Variants in MSRB3 observed in about 807,000 individuals in gnomAD.
MSRB3 encodes the protein methionine-R-sulfoxide reductase B3.
Under a neutral mutation model 21.0 loss-of-function variants are expected in MSRB3, and 13 were observed. The ratio of observed to expected loss-of-function variants is 0.62; its 90% CI spans 0.40 to 0.98. MSRB3 has a LOEUF of 0.98. Among genes scored for constraint, MSRB3 ranks in the 50% least tolerant of loss-of-function variants. The pLI is 0.00. For missense variants in MSRB3, 199 were observed against 230.3 expected (o/e 0.86, Z 0.88); for synonymous variants, 87 against 88.6 (o/e 0.98, Z 0.10).
At chr12:65,375,369 C>T (rs576152808) in intron 5 of MSRB3, among the ~76,000 whole-genome samples, 54 of 152,270 alleles carry the variant, frequency 3.5e-4, no homozygotes, top group Non-Finnish European at 6.9e-4. Flanking sequence ...TTTCTTAGAA[C>T]TGGAGCATTT....
Position 65,463,563 on chromosome 12 carries a change from C to G in MSRB3, c.*241C>G. 1 of 502,210 alleles carries G rather than the reference C, an allele frequency of 2.0e-6. No individual in the cohort carries two copies. The highest frequency in any genetic ancestry group is 2.2e-5 in the South Asian group (1 of 44,644). 31.1% of individuals were successfully genotyped at this position (502,210 alleles called of 1,614,324 possible). ...CAGCTTTGTGAAACTTCTTCACAAG[C>G]CACTTATACCCTTTGGCATTCTTTT... On this transcript the variant is annotated 3_prime_UTR_variant, in exon 7 of 7. Transcript: ENST00000308259.
chr12:65,424,733 A>T (rs1881488318), intron 5 of MSRB3, among the ~76,000 whole-genome samples: 1 of 151,454 alleles, frequency 6.6e-6, no homozygotes. Flanking sequence ...CTAACATATG[A>T]TCTGTCCTGG....
chr12:65,419,911 C>A, intron 5 of MSRB3: 1 of 603,254 alleles, frequency 1.7e-6, no homozygotes, highest in South Asian at 1.5e-5. Flanking sequence ...CCAGTGCCTG[C>A]ATAGACGTTG....
chr12:65,339,987 T>TA (rs1475387187), intron 4 of MSRB3, among the ~76,000 whole-genome samples: 1 of 152,132 alleles, frequency 6.6e-6, no homozygotes, highest in Non-Finnish European at 1.5e-5. Context: ...CTGGCATTCA[T>TA]AAAAAATTAC....
At chr12:65,363,636 G>A (rs1007281244) in intron 4 of MSRB3, among the ~76,000 whole-genome samples, 1 of 151,998 alleles carries the variant, frequency 6.6e-6, no homozygotes, top group African/African-American at 2.4e-5. Context: ...ATGGTGGATA[G>A]GATACAGGCT....
At chr12:65,384,308 T>C (rs1879100521) in intron 5 of MSRB3, among the ~76,000 whole-genome samples, 3 of 152,204 alleles carry the variant, frequency 2.0e-5, no homozygotes, top group South Asian at 2.1e-4. Context: ...TGATATCTAT[T>C]ATGTGTCACC....
chr12:65,460,998 A>G (rs914314698), intron 6 of MSRB3, among the ~76,000 whole-genome samples: 2 of 152,220 alleles, frequency 1.3e-5, no homozygotes, highest in Non-Finnish European at 2.9e-5. Flanking sequence ...AATATTTTCT[A>G]AAGATGCTCA....
chr12:65,411,379 G>A (rs565427949), intron 5 of MSRB3, among the ~76,000 whole-genome samples: 3 of 152,124 alleles, frequency 2.0e-5, no homozygotes, highest in African/African-American at 7.2e-5. Context: ...CTATTCTGTG[G>A]TTGAATAAAA....
chr12:65,382,490 A>G (rs978454943), intron 5 of MSRB3, among the ~76,000 whole-genome samples: 2 of 152,016 alleles, frequency 1.3e-5, no homozygotes, highest in African/African-American at 4.8e-5. Flanking sequence ...AAATTTATAC[A>G]GTAGAATTAT....
intron 5 of MSRB3, among the ~76,000 whole-genome samples, chr12:65,438,860 A>T (rs1882242472): frequency 6.6e-6 from 1 of 151,854 alleles, no homozygotes; most frequent in East Asian, 1.9e-4. Flanking sequence ...AATAATGGGC[A>T]AGAATGGAAT....
chr12:65,345,691 A>C (rs1425623419), intron 4 of MSRB3, among the ~76,000 whole-genome samples: 1 of 152,108 alleles, frequency 6.6e-6, no homozygotes, highest in Non-Finnish European at 1.5e-5. Flanking sequence ...GTAACTCATC[A>C]TTTAACATTA....
intron 1 of MSRB3, 174 bp downstream of exon 1, chr12:65,279,039 C>T (rs1871836991): frequency 7.0e-7 from 1 of 1,429,652 alleles, no homozygotes; most frequent in African/African-American, 1.5e-5. Context: ...GGGTTGCGCC[C>T]CGCGCCAGCG....
intron 4 of MSRB3, among the ~76,000 whole-genome samples, chr12:65,339,118 G>C (rs1176949949): frequency 6.6e-6 from 1 of 152,140 alleles, no homozygotes; most frequent in African/African-American, 2.4e-5. Flanking sequence ...AGACATTCCA[G>C]ACAGAGACAT....
intron 5 of MSRB3, among the ~76,000 whole-genome samples, chr12:65,371,158 T>C (rs1300733399): frequency 6.6e-6 from 1 of 151,942 alleles, no homozygotes; most frequent in East Asian, 1.9e-4. Context: ...AAACCCCATC[T>C]CTACTAAAAA....
chr12:65,307,715 A>G (rs892403326), intron 1 of MSRB3, among the ~76,000 whole-genome samples: 1 of 152,234 alleles, frequency 6.6e-6, no homozygotes, highest in Non-Finnish European at 1.5e-5. Flanking sequence ...AGATTCTTCC[A>G]CATAATTCAT....
intron 5 of MSRB3, among the ~76,000 whole-genome samples, chr12:65,396,708 G>GAAAGAAAGAAAGA (rs1879823266): frequency 4.7e-5 from 1 of 21,498 alleles, no homozygotes; most frequent in African/African-American, 1.1e-4. Flanking sequence ...AAAAAAAAAA[G>GAAAGAAAGAAAGA]AAAGAAAGAA....
intron 4 of MSRB3, among the ~76,000 whole-genome samples, chr12:65,368,690 C>T (rs562558066): frequency 6.6e-6 from 1 of 152,008 alleles, no homozygotes; most frequent in African/African-American, 2.4e-5. Flanking sequence ...CTTACTGAAA[C>T]AAGTTAATCT....
intron 4 of MSRB3, among the ~76,000 whole-genome samples, chr12:65,357,969 A>G (rs1877485670): frequency 6.6e-6 from 1 of 151,978 alleles, no homozygotes; most frequent in Non-Finnish European, 1.5e-5. Flanking sequence ...TATTCTTAGG[A>G]AGAAAGTCAC....
chr12:65,449,883 T>A (rs1882782279), intron 5 of MSRB3, among the ~76,000 whole-genome samples: 1 of 152,218 alleles, frequency 6.6e-6, no homozygotes, highest in Admixed American at 6.5e-5. Flanking sequence ...ACTCTGTTGC[T>A]AACTTTAACA....
Sources: gnomAD v4.1 joint callset for allele counts (sites outside exome capture counted in the v4.1 genomes callset) on GRCh38, gnomAD v4.1.1 for gene constraint, MANE v1.5 for transcripts, NCBI Gene and HGNC (gene_info 2026-07-23, HGNC 2026-07-21) for gene names.